TLE1: variants seen among roughly 807,000 people sequenced by gnomAD.
TLE1 encodes transducin-like enhancer protein 1.
TLE1 carries 21 observed loss-of-function variants against 89.8 expected under a neutral mutation model. The observed-to-expected ratio is 0.23, with a 90% CI of 0.17 to 0.34. The LOEUF (loss-of-function observed/expected upper bound fraction) is 0.34, where lower values mean the gene tolerates loss of function less well. Ranked by LOEUF, TLE1 falls within the 10% of genes least tolerant of loss-of-function variation. TLE1 has a pLI of 1.00. For missense variants in TLE1, 795 were observed against 1,031.2 expected (o/e 0.77, Z 3.14); for synonymous variants, 447 against 407.6 (o/e 1.10, Z -1.16).
intron 17 of TLE1, among the ~76,000 whole-genome samples, chr9:81,586,372 G>A (rs1828459091): frequency 6.6e-6 from 1 of 152,210 alleles, no homozygotes; most frequent in Non-Finnish European, 1.5e-5. Flanking sequence ...CACACCTAGA[G>A]AGTGGAGCCT....
At position 81,687,391 on chromosome 9, in the gene TLE1, G is replaced by A; in HGVS notation, c.68C>T (p.Pro23Leu). The change falls in exon 2 of 20, where the codon CCG (proline) becomes CTG (leucine). Residue 23 changes from proline to leucine, a missense_variant. Pro to Leu is a moderately conservative substitution (Grantham distance 98, BLOSUM62 -3). Around this residue, in one of 4 missense-constraint regions of TLE1, gnomAD observed 47 missense variants for 48.5 expected, o/e 0.97. Coordinates refer to ENST00000376499, the MANE Select transcript of TLE1 (RefSeq NM_005077.5). ...AAGQPFKFTI[P>L]ESLDRIKEEF... ...CTCTTTAATCCGGTCCAGGGACTCC[G>A]GGATAGTGAACTTGAAGGGCTGGCC... 3.1e-6 allele frequency: 5 copies of A among 1,611,382 alleles called. No homozygotes were observed. The highest frequency in any genetic ancestry group is 4.2e-6 in the Non-Finnish European group (5 of 1,179,496).
Position 81,689,477 on chromosome 9 carries a change from C to T in TLE1, c.-1237G>A, listed in dbSNP as rs1217509487. Among the ~76,000 whole-genome samples the T allele has an allele frequency of 1.3e-5, 2 of 152,126 alleles. No homozygotes were observed. Among genetic ancestry groups the T allele is most frequent in the Non-Finnish European group, 2.9e-5 (2 of 67,994 alleles). On this transcript the variant is annotated 5_prime_UTR_variant, in exon 1 of 20. Transcript: ENST00000376499. Reference sequence around the variant, plus strand: ...GGGCACAGAGTACCCGCCGCTGTTTCTGCTGCTGCTGCTTCTGCAGCCGCC... The same window carrying T: ...GGGCACAGAGTACCCGCCGCTGTTTTTGCTGCTGCTGCTTCTGCAGCCGCC...
Position 81,645,116 on chromosome 9 carries a change from T to C in TLE1, c.372+7098A>G, listed in dbSNP as rs562425803. 7.2e-5 allele frequency among the ~76,000 whole-genome samples: 11 copies of C among 151,960 alleles called. No homozygotes were observed. In the South Asian group the frequency reaches 2.1e-3, roughly 29 times the overall value. The stretch of plus-strand genomic sequence containing the variant: ...GCCTCACGTCAGTAATCCCAGCACT[T>C]TGGGAGGCCAAGGCAGGTGGATCAC... On this transcript the variant is annotated intron_variant, in intron 6 of 19. Transcript: ENST00000376499.
rs147865073 is a variant in TLE1 at position 81,628,118 on chromosome 9, G to C, written c.594+5230C>G. On this transcript the variant is annotated intron_variant, in intron 8 of 19. Coordinates refer to ENST00000376499, the MANE Select transcript of TLE1 (RefSeq NM_005077.5). ...ATAGGAGAGAAACCCAGAAGTAACT[G>C]CATTGAATGTAATGAATGATGCATT... Among the ~76,000 whole-genome samples the C allele has an allele frequency of 2.1e-4, 32 of 152,284 alleles. No individual in the cohort carries two copies. In the East Asian group the frequency reaches 6.0e-3, roughly 29 times the overall value.
chr9:81,675,016 T>TA (rs35285352), intron 4 of TLE1, among the ~76,000 whole-genome samples: 1 of 151,978 alleles, frequency 6.6e-6, no homozygotes, highest in Non-Finnish European at 1.5e-5. Flanking sequence ...AAATAAATTT[T>TA]AAAAAAAGTA....
Position 81,687,144 on chromosome 9 carries a change from G to A in TLE1, c.125+190C>T, listed in dbSNP as rs551473323. 7.2e-5 allele frequency among the ~76,000 whole-genome samples: 11 copies of A among 152,338 alleles called. No individual in the cohort carries two copies. In the South Asian group the frequency reaches 1.0e-3, roughly 14 times the overall value. On this transcript the variant is annotated intron_variant, in intron 2 of 19. Coordinates refer to ENST00000376499, the MANE Select transcript of TLE1 (RefSeq NM_005077.5). ...GGCAAAAGGGAAACAATGGGAGGAG[G>A]AGGAGACAAGAGAAGAGGCGGCCCG...
chr9:81,646,145 A>G (rs1435015031), intron 6 of TLE1, among the ~76,000 whole-genome samples: 1 of 152,258 alleles, frequency 6.6e-6, no homozygotes, highest in Non-Finnish European at 1.5e-5. Context: ...AAAAAAGGAA[A>G]GAAATATGTG....
intron 8 of TLE1, among the ~76,000 whole-genome samples, chr9:81,627,112 C>T (rs746342572): frequency 6.6e-6 from 1 of 152,108 alleles, no homozygotes; most frequent in Non-Finnish European, 1.5e-5. Context: ...ACTAAGTCAT[C>T]TGTGTATCGG....
At chr9:81,589,736 G>C (rs569655581) in intron 16 of TLE1, among the ~76,000 whole-genome samples, 1 of 152,272 alleles carries the variant, frequency 6.6e-6, no homozygotes, top group African/African-American at 2.4e-5. Context: ...TTGATATTTT[G>C]AAAGTGCTAC....
rs774599116 is a variant in TLE1, at chr9:81,587,759, C to T, written c.1899G>A (p.Thr633=). 28 of 1,614,182 alleles carry T rather than the reference C, an allele frequency of 1.7e-5. No homozygotes were observed. In the South Asian group the frequency reaches 2.1e-4, roughly 12 times the overall value. ...DISNDGTKLW[T]GGLDNTVRSW... Reference sequence around the variant, plus strand: ...ACCTGACTGTGTTGTCCAAACCACCCGTCCAGAGCTTGGTGCCATCATTAG... The same window carrying T: ...ACCTGACTGTGTTGTCCAAACCACCTGTCCAGAGCTTGGTGCCATCATTAG... The change falls in exon 17 of 20, where the codon ACG becomes ACA. Residue 633 remains threonine (T), a synonymous_variant. Coordinates refer to ENST00000376499, the MANE Select transcript of TLE1 (RefSeq NM_005077.5).
chr9:81,595,960 C>G, intron 14 of TLE1, among the ~76,000 whole-genome samples: 1 of 152,074 alleles, frequency 6.6e-6, no homozygotes, highest in East Asian at 1.9e-4. Flanking sequence ...TAGTTTTTCT[C>G]TGTGTACCAC....
chr9:81,596,454 G>A (rs1476496495), intron 14 of TLE1, among the ~76,000 whole-genome samples: 1 of 152,046 alleles, frequency 6.6e-6, no homozygotes, highest in African/African-American at 2.4e-5. Flanking sequence ...AAAAACCAGG[G>A]GAGGAAATTA....
At position 81,584,195 on chromosome 9, in the gene TLE1, T is replaced by A; in HGVS notation, c.*3A>T. On this transcript the variant is annotated 3_prime_UTR_variant, in exon 20 of 20. Coordinates refer to ENST00000376499, the MANE Select transcript of TLE1 (RefSeq NM_005077.5). Reference sequence around the variant, plus strand: ...ACTATAAACGTTAAACCACATAATGTTTTCAGTAGATGACTTCATAGACTG... The same window carrying A: ...ACTATAAACGTTAAACCACATAATGATTTCAGTAGATGACTTCATAGACTG... The A allele has an allele frequency of 6.2e-7, 1 of 1,612,108 alleles. No individual in the cohort carries two copies.
chr9:81,668,414 C>T (rs1831777019), intron 4 of TLE1, among the ~76,000 whole-genome samples: 1 of 152,064 alleles, frequency 6.6e-6, no homozygotes, highest in Admixed American at 6.6e-5. Flanking sequence ...GCAAAAGGAT[C>T]CTAGATGACA....
chr9:81,619,342 G>A (rs896238451), intron 9 of TLE1, among the ~76,000 whole-genome samples: 2 of 152,168 alleles, frequency 1.3e-5, no homozygotes, highest in Admixed American at 1.3e-4. Context: ...CAATACTGGA[G>A]GTGGGTTTGC....
At chr9:81,600,191 A>T (rs1237119867) in intron 14 of TLE1, 1 of 666,696 alleles carries the variant, frequency 1.5e-6, no homozygotes, top group African/African-American at 1.8e-5. Context: ...ATATATTGCT[A>T]TTTCAAAGCT....
chr9:81,660,455 C>T (rs1174224165), intron 4 of TLE1, among the ~76,000 whole-genome samples: 1 of 151,706 alleles, frequency 6.6e-6, no homozygotes, highest in African/African-American at 2.4e-5. Flanking sequence ...GTTCTGTCGC[C>T]CAAGCTGGAG....
At chr9:81,685,630 T>G in intron 4 of TLE1, 46 bp downstream of exon 4, 1 of 1,592,036 alleles carries the variant, frequency 6.3e-7, no homozygotes, top group Non-Finnish European at 8.6e-7. Context: ...TATTAAATCA[T>G]ATGAACTGAT....
rs112057426 is a variant in TLE1, at chr9:81,591,875, G to A, written c.1582-823C>T. 2.9e-3 allele frequency among the ~76,000 whole-genome samples: 439 copies of A among 152,090 alleles called. 4 individuals carry two copies. Among genetic ancestry groups the A allele is most frequent in the Middle Eastern group, 0.02 (6 of 294 alleles). The stretch of plus-strand genomic sequence containing the variant: ...AAAAAGTCTGTGTTTCCAAAACACC[G>A]CCACTCTGCTTTTTGGAAACACCTT... On this transcript the variant is annotated intron_variant, in intron 15 of 19. Coordinates refer to ENST00000376499, the MANE Select transcript of TLE1 (RefSeq NM_005077.5).
Sources: allele counts gnomAD v4.1 joint callset (sites outside exome capture counted in the v4.1 genomes callset), GRCh38; gene constraint gnomAD v4.1.1; regional missense constraint gnomAD v4.1.1; transcripts MANE v1.5; gene names NCBI Gene and HGNC (gene_info 2026-07-23, HGNC 2026-07-21).